VWA8: variants seen among roughly 807,000 people sequenced by gnomAD.
VWA8 encodes the protein von Willebrand factor A domain containing 8, also known as von Willebrand factor A domain-containing protein 8.
In VWA8, 221 loss-of-function variants were observed where a neutral mutation model predicts 241.5. The ratio of observed to expected loss-of-function variants is 0.91; its 90% confidence interval spans 0.82 to 1.02. The LOEUF (loss-of-function observed/expected upper bound fraction) is 1.02. Among genes scored for constraint, VWA8 ranks in the 50% least tolerant of loss-of-function variants. The pLI is 0.00. For missense variants in VWA8, 2,322 were observed against 2,328.7 expected (o/e 1.00, Z 0.06); for synonymous variants, 852 against 827.1 (o/e 1.03, Z -0.52).
At chr13:41,959,067 C>A (rs1013462563) in intron 1 of VWA8, among the ~76,000 whole-genome samples, 11 of 152,140 alleles carry the variant, frequency 7.2e-5, no homozygotes, top group African/African-American at 2.7e-4. Flanking sequence ...AGTCCTGAAT[C>A]TAAACAAACT....
chr13:41,784,761 TAC>T (rs72123986), intron 18 of VWA8, among the ~76,000 whole-genome samples: 10,923 of 77,898 alleles, frequency 0.14, 1,559 homozygotes, highest in East Asian at 0.41. Context: ...TATATATATA[TAC>T]ACACACACAC....
At chr13:41,847,277 T>C (rs945334163) in intron 12 of VWA8, among the ~76,000 whole-genome samples, 4 of 152,026 alleles carry the variant, frequency 2.6e-5, no homozygotes, top group African/African-American at 9.7e-5. Flanking sequence ...AAATACCACA[T>C]AGTAGTTGGT....
chr13:41,719,232 T>C, intron 26 of VWA8: 1 of 570,006 alleles, frequency 1.8e-6, no homozygotes, highest in South Asian at 6.1e-5. Flanking sequence ...ACATATCAAC[T>C]AAATGTACAT....
intron 17 of VWA8, among the ~76,000 whole-genome samples, chr13:41,802,610 G>C (rs990268551): frequency 2.0e-5 from 3 of 152,196 alleles, no homozygotes; most frequent in Non-Finnish European, 4.4e-5. Flanking sequence ...GGAGAGGGGA[G>C]AGCAAAGAGG....
At chr13:41,714,221 T>C (rs1176108349) in intron 26 of VWA8, among the ~76,000 whole-genome samples, 1 of 152,012 alleles carries the variant, frequency 6.6e-6, no homozygotes, top group African/African-American at 2.4e-5. Flanking sequence ...TTTTTTCTAT[T>C]TGACTGATAG....
At chr13:41,794,149 C>A (rs962277914) in intron 17 of VWA8, among the ~76,000 whole-genome samples, 3 of 151,344 alleles carry the variant, frequency 2.0e-5, no homozygotes, top group Non-Finnish European at 2.9e-5. Context: ...TGAATTTTAA[C>A]ATAGTTTTTC....
chr13:41,601,123 T>C lies in VWA8; in HGVS notation c.4986+4045A>G, dbSNP rs147927525. ...CCACCCTTCTCTGTCTGGTTAATACTTGTGTGTCCCTCAAGACTCAGCTCA... is the reference window on the plus strand; with the variant it reads ...CCACCCTTCTCTGTCTGGTTAATACCTGTGTGTCCCTCAAGACTCAGCTCA... On this transcript the variant is annotated intron_variant, in intron 40 of 44. Transcript: ENST00000379310. Among the ~76,000 whole-genome samples the C allele has an allele frequency of 8.5e-5, 13 of 152,244 alleles. No homozygotes were observed. The East Asian group carries it at 2.5e-3, about 29-fold the overall frequency.
intron 4 of VWA8, among the ~76,000 whole-genome samples, chr13:41,895,534 A>C (rs779975174): frequency 1.3e-5 from 2 of 152,190 alleles, no homozygotes; most frequent in Non-Finnish European, 2.9e-5. Context: ...ACAGCAGTGC[A>C]ATCTGCCTCA....
chr13:41,689,712 C>G (rs2045162781), intron 33 of VWA8, among the ~76,000 whole-genome samples: 1 of 151,894 alleles, frequency 6.6e-6, no homozygotes, highest in African/African-American at 2.4e-5. Context: ...CAAGTATTTA[C>G]AGAATTCAAA....
intron 20 of VWA8, among the ~76,000 whole-genome samples, chr13:41,776,482 T>C (rs1175574584): frequency 6.6e-6 from 1 of 152,152 alleles, no homozygotes. Context: ...TACTGTTCAG[T>C]GAAGAAAAAT....
intron 37 of VWA8, among the ~76,000 whole-genome samples, chr13:41,615,436 G>A (rs1321702355): frequency 1.3e-5 from 2 of 152,164 alleles, no homozygotes; most frequent in African/African-American, 4.8e-5. Flanking sequence ...GGGGTATTTT[G>A]CCAGTGGTTT....
chr13:41,960,687 G>A (rs1878569545), intron 1 of VWA8, among the ~76,000 whole-genome samples, 166 bp downstream of exon 1: 1 of 152,212 alleles, frequency 6.6e-6, no homozygotes, highest in South Asian at 2.1e-4. Context: ...ACGTTACACA[G>A]CAGTTAGCGC....
intron 21 of VWA8, among the ~76,000 whole-genome samples, chr13:41,758,862 A>G (rs2045718978): frequency 6.6e-6 from 1 of 151,232 alleles, no homozygotes; most frequent in Admixed American, 6.6e-5. Context: ...TTTATGTGAT[A>G]TTTTATCAGG....
At chr13:41,821,676 C>CA (rs2137987710) in intron 14 of VWA8, among the ~76,000 whole-genome samples, 1 of 151,968 alleles carries the variant, frequency 6.6e-6, no homozygotes, top group African/African-American at 2.4e-5. Context: ...TAATTTCAGA[C>CA]AAAAAGATAT....
intron 39 of VWA8, among the ~76,000 whole-genome samples, chr13:41,607,383 G>T (rs185004935): frequency 6.6e-6 from 1 of 152,260 alleles, no homozygotes; most frequent in Admixed American, 6.5e-5. Context: ...AGAAATATGT[G>T]TATAGAACTT....
chr13:41,865,630 C>T, intron 12 of VWA8, 106 bp downstream of exon 12: 1 of 1,241,268 alleles, frequency 8.1e-7, no homozygotes, highest in South Asian at 1.5e-5. Context: ...GGTTCTTTAC[C>T]TATATAAAAA....
In VWA8 at chr13:41,732,143, T is replaced by C. The variant is rs1198518850; in HGVS notation, c.2439A>G (p.Val813=). ...EYIQLHRDTT[V]QTLTLQPSVK... is the part of the protein sequence containing the mutation. ...CCGAAGGCTGAAGCGTAAGAGTTTGTACTGTGGTATCCCTAAAGTAAAACC... is the reference window on the plus strand; with the variant it reads ...CCGAAGGCTGAAGCGTAAGAGTTTGCACTGTGGTATCCCTAAAGTAAAACC... The change falls in exon 22 of 45, where the codon GTA becomes GTG. Residue 813 remains valine (V), a synonymous_variant. Coordinates refer to ENST00000379310, the MANE Select transcript of VWA8 (RefSeq NM_015058.2). The C allele has an allele frequency of 6.8e-6, 11 of 1,612,534 alleles. No homozygotes were observed. In the East Asian group the frequency reaches 2.2e-4, roughly 33 times the overall value.
intron 26 of VWA8, among the ~76,000 whole-genome samples, chr13:41,703,882 A>G (rs1430203357): frequency 6.6e-6 from 1 of 151,670 alleles, no homozygotes; most frequent in African/African-American, 2.4e-5. Flanking sequence ...GGTTCAAGCA[A>G]TTCTTTTGTT....
chr13:41,751,447 C>G (rs1250745902), intron 21 of VWA8, among the ~76,000 whole-genome samples: 1 of 152,118 alleles, frequency 6.6e-6, no homozygotes, highest in Non-Finnish European at 1.5e-5. Flanking sequence ...CTTATCAGTG[C>G]TAAGAATGCT....
Sources: gnomAD v4.1 joint callset for allele counts (sites outside exome capture counted in the v4.1 genomes callset) on GRCh38, gnomAD v4.1.1 for gene constraint, MANE v1.5 for transcripts, NCBI Gene and HGNC (gene_info 2026-07-23, HGNC 2026-07-21) for gene names.